LRRC75A: variants seen among roughly 807,000 people sequenced by gnomAD.
The protein encoded by LRRC75A is leucine-rich repeat-containing protein 75A.
In LRRC75A, 12 loss-of-function variants were observed where a neutral mutation model predicts 26.0. The observed-to-expected ratio is 0.46, with a 90% confidence interval of 0.30 to 0.75. LRRC75A has a LOEUF of 0.75. Ranked by LOEUF, LRRC75A falls within the 30% of genes least tolerant of loss-of-function variation. LRRC75A has a pLI of 0.08. For missense variants in LRRC75A, 410 were observed against 486.6 expected, an observed-to-expected ratio of 0.84 and a Z score of 1.48; for synonymous variants, 223 against 219.3, an observed-to-expected ratio of 1.02 and a Z score of -0.15.
At chr17:16,463,100 AC>A (rs1361174135) in intron 1 of LRRC75A, 12 of 152,174 alleles carry the variant, frequency 7.9e-5, no homozygotes, top group African/African-American at 2.9e-4. Flanking sequence ...AGAATATGGT[AC>A]CCTGGCATCT....
At chr17:16,455,355 GA>G (rs2093668494) in intron 2 of LRRC75A, among the ~76,000 whole-genome samples, 1 of 149,848 alleles carries the variant, frequency 6.7e-6, no homozygotes, top group Admixed American at 6.6e-5. Flanking sequence ...TATAATGAGT[GA>G]GGGAAAAGTA....
chr17:16,489,754 C>T (rs941907021), intron 1 of LRRC75A, among the ~76,000 whole-genome samples: 1 of 152,230 alleles, frequency 6.6e-6, no homozygotes, highest in African/African-American at 2.4e-5. Context: ...TCCAGGCCCA[C>T]GGCCCTTGCA....
In LRRC75A at chr17:16,443,527, C is replaced by T; in HGVS notation, c.*61G>A. 7.1e-7 allele frequency: 1 copy of T among 1,416,116 alleles called. No individual in the cohort carries two copies. Among genetic ancestry groups the T allele is most frequent in the Non-Finnish European group, 9.3e-7 (1 of 1,071,888 alleles). The allele number at this position is 1,416,116 out of a possible 1,614,324, so 87.7% of individuals were successfully genotyped here. ...CCACCTGATAGGAGAAGCGCCCTCC[C>T]CTGCCTGCCTTGCCCATTCTACCCA... On this transcript the variant is annotated 3_prime_UTR_variant, in exon 4 of 4. Coordinates refer to ENST00000470794, the MANE Select transcript of LRRC75A (RefSeq NM_001113567.3).
chr17:16,478,311 C>T (rs1384338717), intron 1 of LRRC75A: 2 of 152,096 alleles, frequency 1.3e-5, no homozygotes, highest in East Asian at 1.9e-4. Context: ...CCTCAGCCTC[C>T]CAAGTAGTTG....
At chr17:16,457,878 G>A (rs1450899288) in intron 2 of LRRC75A, among the ~76,000 whole-genome samples, 3 of 152,148 alleles carry the variant, frequency 2.0e-5, no homozygotes, top group African/African-American at 7.2e-5. Context: ...GGAAGGTGAG[G>A]TGGGAGGATC....
chr17:16,444,794 C>T (rs1036014857), intron 3 of LRRC75A, among the ~76,000 whole-genome samples: 5 of 151,804 alleles, frequency 3.3e-5, no homozygotes, highest in East Asian at 1.9e-4. Flanking sequence ...ACCCCACCCC[C>T]GCCATCTGTT....
At chr17:16,488,631 C>G (rs2093851538) in intron 1 of LRRC75A, among the ~76,000 whole-genome samples, 2 of 152,160 alleles carry the variant, frequency 1.3e-5, no homozygotes, top group South Asian at 2.1e-4. Flanking sequence ...GACTGAGGAC[C>G]GGAAGGCGAG....
At chr17:16,453,747 T>C (rs956324821) in intron 2 of LRRC75A, among the ~76,000 whole-genome samples, 2 of 151,782 alleles carry the variant, frequency 1.3e-5, no homozygotes, top group African/African-American at 4.8e-5. Flanking sequence ...TAACGGAAAT[T>C]GGAAGGCCTC....
chr17:16,458,901 T>G lies in LRRC75A; in HGVS notation c.375+3357A>C, dbSNP rs73288903. Reference sequence around the variant, plus strand: ...TACAGAGACTATAACAATAAATGTCTGTTGTTTTAAGCCACTAAGTTTTGG... The same window carrying G: ...TACAGAGACTATAACAATAAATGTCGGTTGTTTTAAGCCACTAAGTTTTGG... On this transcript the variant is annotated intron_variant, in intron 2 of 3. Coordinates refer to ENST00000470794, the MANE Select transcript of LRRC75A (RefSeq NM_001113567.3). Among the ~76,000 whole-genome samples, 1,059 of 152,334 alleles carry G rather than the reference T, an allele frequency of 7.0e-3. 14 individuals carry two copies. Among genetic ancestry groups the G allele is most frequent in the African/African-American group, 0.025 (1,031 of 41,566 alleles).
intron 1 of LRRC75A, among the ~76,000 whole-genome samples, chr17:16,466,131 T>C (rs1484248311): frequency 6.6e-6 from 1 of 152,242 alleles, no homozygotes; most frequent in Non-Finnish European, 1.5e-5. Context: ...GGCTACTTCC[T>C]GCCTCCTTGA....
intron 2 of LRRC75A, among the ~76,000 whole-genome samples, chr17:16,455,133 A>G (rs1211912173): frequency 3.3e-5 from 5 of 151,736 alleles, no homozygotes; most frequent in South Asian, 2.1e-4. Flanking sequence ...GGGTTTCACT[A>G]TGTTGGCCAG....
At chr17:16,488,428 T>A (rs934288295) in intron 1 of LRRC75A, among the ~76,000 whole-genome samples, 1 of 152,234 alleles carries the variant, frequency 6.6e-6, no homozygotes, top group Non-Finnish European at 1.5e-5. Flanking sequence ...CTGCCCCTAC[T>A]GGGGCCAGAC....
intron 1 of LRRC75A, among the ~76,000 whole-genome samples, chr17:16,472,081 C>T (rs977270782): frequency 6.6e-6 from 1 of 151,912 alleles, no homozygotes; most frequent in Non-Finnish European, 1.5e-5. Context: ...TATATTTTAT[C>T]GTAATAAAAA....
chr17:16,482,619 G>A (rs1177278025), intron 1 of LRRC75A, among the ~76,000 whole-genome samples: 4 of 152,216 alleles, frequency 2.6e-5, no homozygotes, highest in Non-Finnish European at 5.9e-5. Flanking sequence ...ACTGAGGAAA[G>A]GGGTTTGCCC....
chr17:16,488,365 T>G (rs915738587), intron 1 of LRRC75A, among the ~76,000 whole-genome samples: 2 of 152,154 alleles, frequency 1.3e-5, no homozygotes, highest in African/African-American at 4.8e-5. Context: ...CCTGGCCAGG[T>G]AGATGGAATC....
At chr17:16,450,564 T>G (rs1317598384) in intron 2 of LRRC75A, among the ~76,000 whole-genome samples, 1 of 152,220 alleles carries the variant, frequency 6.6e-6, no homozygotes, top group Non-Finnish European at 1.5e-5. Flanking sequence ...GTTGCAGATG[T>G]GGGGGCAGGT....
At chr17:16,467,677 G>A (rs1338500576) in intron 1 of LRRC75A, among the ~76,000 whole-genome samples, 2 of 152,186 alleles carry the variant, frequency 1.3e-5, no homozygotes, top group African/African-American at 2.4e-5. Flanking sequence ...ATGAGAATGA[G>A]GCTATCTGAT....
At chr17:16,476,981 G>C (rs549170135) in intron 1 of LRRC75A, among the ~76,000 whole-genome samples, 177 of 150,750 alleles carry the variant, frequency 1.2e-3, no homozygotes, top group Admixed American at 2.6e-3. Flanking sequence ...CTTGTGATCC[G>C]CCCGCCTTGG....
chr17:16,465,647 A>T (rs1374483089), intron 1 of LRRC75A, among the ~76,000 whole-genome samples: 1 of 152,194 alleles, frequency 6.6e-6, no homozygotes, highest in Non-Finnish European at 1.5e-5. Flanking sequence ...AAGCTAGTCT[A>T]GGCCATCCCT....
Sources: gnomAD v4.1 joint callset for allele counts (sites outside exome capture counted in the v4.1 genomes callset) on GRCh38, gnomAD v4.1.1 for gene constraint, MANE v1.5 for transcripts, NCBI Gene and HGNC (gene_info 2026-07-23, HGNC 2026-07-21) for gene names.